TADA2A: variants seen among roughly 807,000 people sequenced by gnomAD.
The protein encoded by TADA2A is transcriptional adapter 2-alpha.
A neutral mutation model predicts 67.4 loss-of-function variants in TADA2A; 38 were observed. That is an observed-to-expected ratio of 0.56 (90% confidence interval 0.44 to 0.74). TADA2A has a LOEUF of 0.74. Ranked by LOEUF, TADA2A falls within the 30% of genes least tolerant of loss-of-function variation. The probability of loss-of-function intolerance (pLI) is 0.00; values close to 1 mark genes in which losing one functional copy is unlikely to be tolerated. For missense variants in TADA2A, 454 were observed against 547.0 expected (o/e 0.83, Z 1.70); for synonymous variants, 192 against 181.6 (o/e 1.06, Z -0.46).
rs954854293 is a variant in TADA2A at position 37,421,698 on chromosome 17, G to T, written c.26-1811G>T. On this transcript the variant is annotated intron_variant, in intron 2 of 15. Transcript: ENST00000615182. Reference sequence around the variant, plus strand: ...TCCCTGCTAGTTAGGAGGCTGAGGTGGGAGGCTCATTTGAGCCTGGGAGGT... The same window carrying T: ...TCCCTGCTAGTTAGGAGGCTGAGGTTGGAGGCTCATTTGAGCCTGGGAGGT... Among the ~76,000 whole-genome samples, 18 of 146,522 alleles carry T rather than the reference G, an allele frequency of 1.2e-4. 3 individuals carry two copies. The highest frequency in any genetic ancestry group is 4.0e-4 in the African/African-American group (16 of 40,438).
In TADA2A at chr17:37,415,380, A is replaced by G. The variant is rs147918517; in HGVS notation, c.25+3990A>G. ...TAATACTTCATTGTGTGGATATGTT[A>G]TTATTCAAATAATTGCTTATACTTG... On this transcript the variant is annotated intron_variant, in intron 2 of 15. Coordinates refer to ENST00000615182, the MANE Select transcript of TADA2A (RefSeq NM_001166105.3). 2.7e-3 allele frequency among the ~76,000 whole-genome samples: 413 copies of G among 152,198 alleles called. 7 individuals carry two copies. In the South Asian group the frequency reaches 0.04, roughly 15 times the overall value.
At chr17:37,476,027 G>T (rs1198889544) in intron 15 of TADA2A, among the ~76,000 whole-genome samples, 1 of 152,176 alleles carries the variant, frequency 6.6e-6, no homozygotes, top group Non-Finnish European at 1.5e-5. Context: ...TAATAAGGAA[G>T]GGTCATAGTG....
At chr17:37,408,675 A>G (rs900569968) in intron 1 of TADA2A, 1 of 152,252 alleles carries the variant, frequency 6.6e-6, no homozygotes, top group African/African-American at 2.4e-5. Context: ...GTGAGGATTC[A>G]AAGAATCCCC....
chr17:37,462,907 G>A (rs529439529), intron 10 of TADA2A, among the ~76,000 whole-genome samples: 192 of 152,122 alleles, frequency 1.3e-3, no homozygotes, highest in African/African-American at 7.2e-4. Context: ...ATTATATGAC[G>A]GTGATAAAAA....
intron 7 of TADA2A, among the ~76,000 whole-genome samples, chr17:37,443,693 TG>T (rs1288929353): frequency 6.6e-6 from 1 of 152,194 alleles, no homozygotes; most frequent in African/African-American, 2.4e-5. Flanking sequence ...AACTATACTT[TG>T]TCATTATTGT....
intron 14 of TADA2A, among the ~76,000 whole-genome samples, chr17:37,473,731 G>A (rs929029442): frequency 2.0e-5 from 3 of 152,144 alleles, no homozygotes; most frequent in Non-Finnish European, 4.4e-5. Context: ...TTCTTTCTCA[G>A]GTGTGTGAGT....
intron 1 of TADA2A, among the ~76,000 whole-genome samples, chr17:37,410,867 A>T (rs1268320544): frequency 6.6e-6 from 1 of 152,188 alleles, no homozygotes; most frequent in Non-Finnish European, 1.5e-5. Flanking sequence ...TCAGTTTCCC[A>T]AATAAAGATG....
intron 7 of TADA2A, among the ~76,000 whole-genome samples, chr17:37,443,454 A>G (rs993974152): frequency 5.3e-5 from 8 of 152,036 alleles, no homozygotes; most frequent in Non-Finnish European, 7.4e-5. Context: ...GGGTTTCACC[A>G]TGTTGGCCAG....
intron 8 of TADA2A, among the ~76,000 whole-genome samples, chr17:37,456,560 A>T (rs1047229157): frequency 6.6e-6 from 1 of 152,200 alleles, no homozygotes; most frequent in Non-Finnish European, 1.5e-5. Flanking sequence ...GAGGAGAAGG[A>T]GGAAGAATCC....
chr17:37,409,772 AAAAAC>A (rs1221750425), intron 1 of TADA2A, among the ~76,000 whole-genome samples: 44 of 141,578 alleles, frequency 3.1e-4, no homozygotes, highest in South Asian at 2.0e-3. Context: ...AGTCTCAAAA[AAAAAC>A]AAAAACAAAA....
At chr17:37,409,125 G>T (rs1018158887) in intron 1 of TADA2A, among the ~76,000 whole-genome samples, 17 of 152,004 alleles carry the variant, frequency 1.1e-4, no homozygotes, top group Admixed American at 1.0e-3. Context: ...TTGCACTGTC[G>T]CCCAGGCTGG....
intron 8 of TADA2A, among the ~76,000 whole-genome samples, chr17:37,452,789 A>AG (rs1491490648): frequency 6.6e-6 from 1 of 152,190 alleles, no homozygotes; most frequent in African/African-American, 2.4e-5. Flanking sequence ...AAAAAAAAAA[A>AG]GAGTTTGAAA....
At chr17:37,427,196 GT>G (rs1417561235) in intron 4 of TADA2A, among the ~76,000 whole-genome samples, 187 bp downstream of exon 4, 2 of 152,118 alleles carry the variant, frequency 1.3e-5, no homozygotes, top group African/African-American at 4.8e-5. Context: ...GTTTTTTAGG[GT>G]TTTGTGGATC....
At chr17:37,475,369 G>A (rs1219977759) in intron 15 of TADA2A, among the ~76,000 whole-genome samples, 2 of 151,912 alleles carry the variant, frequency 1.3e-5, no homozygotes, top group Non-Finnish European at 2.9e-5. Flanking sequence ...GTAGAGATGG[G>A]GTTTCACCAT....
chr17:37,463,826 G>C (rs983022617), intron 10 of TADA2A, among the ~76,000 whole-genome samples: 1 of 151,696 alleles, frequency 6.6e-6, no homozygotes, highest in Admixed American at 6.6e-5. Context: ...GGTGGCAGGC[G>C]CCTGTAGTCC....
At position 37,422,495 on chromosome 17, in the gene TADA2A, T is replaced by TTATTA. The variant is rs1295729028; in HGVS notation, c.26-1012_26-1008dup. On this transcript the variant is annotated intron_variant, in intron 2 of 15. Transcript: ENST00000615182. ...CATGCCCAGCTGATTATTATTATTATTATTATTATTATTATTATTATTATT... is the reference window on the plus strand; with the variant it reads ...CATGCCCAGCTGATTATTATTATTATTATTATATTATTATTATTATTATTATTATT... Among the ~76,000 whole-genome samples the TTATTA allele has an allele frequency of 3.0e-3, 427 of 142,144 alleles. 3 individuals are homozygous for TTATTA. Among genetic ancestry groups the TTATTA allele is most frequent in the African/African-American group, 0.011 (414 of 36,440 alleles). 93.3% of individuals were successfully genotyped at this position (142,144 alleles called of 152,430 possible).
chr17:37,429,324 G>T (rs926509759), intron 4 of TADA2A, among the ~76,000 whole-genome samples: 3 of 152,138 alleles, frequency 2.0e-5, no homozygotes, highest in Admixed American at 6.5e-5. Context: ...AAGGTCAGCT[G>T]ATTAGTAACC....
At chr17:37,435,624 G>C (rs962637881) in intron 4 of TADA2A, among the ~76,000 whole-genome samples, 10 of 152,014 alleles carry the variant, frequency 6.6e-5, no homozygotes, top group African/African-American at 2.4e-4. Context: ...CTCTTGCCCA[G>C]GCGGGAGAGC....
In TADA2A at chr17:37,419,365, G is replaced by A. The variant is rs934265926; in HGVS notation, c.26-4144G>A. On this transcript the variant is annotated intron_variant, in intron 2 of 15. Coordinates refer to ENST00000615182, the MANE Select transcript of TADA2A (RefSeq NM_001166105.3). Reference sequence around the variant, plus strand: ...GTGGGGTTTTTTTTTGTAGAGACATGGTTTCACCATGTTCCCCAGGCTGGT... The same window carrying A: ...GTGGGGTTTTTTTTTGTAGAGACATAGTTTCACCATGTTCCCCAGGCTGGT... 1.3e-4 allele frequency among the ~76,000 whole-genome samples: 19 copies of A among 144,772 alleles called. 1 individual carries two copies. The highest frequency in any genetic ancestry group is 6.2e-5 in the Non-Finnish European group (4 of 65,034). 95.0% of individuals were successfully genotyped at this position (144,772 alleles called of 152,430 possible). A position where few individuals can be genotyped will look rare whatever the true frequency, so the allele number is the denominator to read the frequency against.
Sources: gnomAD v4.1 joint callset for allele counts (sites outside exome capture counted in the v4.1 genomes callset) on GRCh38, gnomAD v4.1.1 for gene constraint, MANE v1.5 for transcripts, NCBI Gene and HGNC (gene_info 2026-07-23, HGNC 2026-07-21) for gene names.